The following SBF2 variants were observed in gnomAD, a reference collection of about 807,000 sequenced individuals.
The protein encoded by SBF2 is myotubularin-related protein 13.
Under a neutral mutation model 225.2 loss-of-function variants are expected in SBF2, and 112 were observed. The observed-to-expected ratio is 0.50, with a 90% CI of 0.43 to 0.58. The LOEUF is 0.58. SBF2 is among the 20% of genes least tolerant of loss of function. The pLI, the probability that SBF2 is intolerant of heterozygous loss-of-function variation, is 0.00. For synonymous variants in SBF2, 763 were observed against 773.3 expected (o/e 0.99, Z 0.22); for missense variants, 1,996 against 2,206.2 (o/e 0.90, Z 1.91).
chr11:10,213,739 A>G (rs577252155), intron 1 of SBF2, among the ~76,000 whole-genome samples: 144 of 152,318 alleles, frequency 9.5e-4, no homozygotes, highest in African/African-American at 2.9e-3. Context: ...ACTCAAAGGA[A>G]GAAGGGTTAC....
intron 1 of SBF2, among the ~76,000 whole-genome samples, chr11:10,239,049 T>C (rs1182208344): frequency 2.0e-5 from 3 of 150,872 alleles, no homozygotes; most frequent in African/African-American, 7.3e-5. Context: ...TATACATATA[T>C]ACACACATAT....
At chr11:10,134,724 C>G (rs1041776197) in intron 2 of SBF2, among the ~76,000 whole-genome samples, 1 of 152,170 alleles carries the variant, frequency 6.6e-6, no homozygotes, top group South Asian at 2.1e-4. Context: ...CACACGGATG[C>G]AAGAGGTAAG....
intron 17 of SBF2, among the ~76,000 whole-genome samples, chr11:9,867,256 CTACT>C (rs1397637210): frequency 1.3e-5 from 2 of 151,986 alleles, no homozygotes; most frequent in African/African-American, 4.8e-5. Flanking sequence ...ATATATACAC[CTACT>C]ATGTACCCAC....
intron 38 of SBF2, among the ~76,000 whole-genome samples, chr11:9,783,987 G>A (rs959214277): frequency 6.6e-6 from 1 of 152,214 alleles, no homozygotes; most frequent in Non-Finnish European, 1.5e-5. Context: ...AGGCTTATAT[G>A]TGCATGTGGT....
chr11:9,825,571 C>T (rs995850855), intron 28 of SBF2, among the ~76,000 whole-genome samples: 7 of 151,960 alleles, frequency 4.6e-5, no homozygotes, highest in Non-Finnish European at 7.4e-5. Flanking sequence ...AAAGTTCTGA[C>T]GAGGCAGGAA....
chr11:9,885,139 T>C (rs370820220), intron 17 of SBF2, among the ~76,000 whole-genome samples: 42 of 150,096 alleles, frequency 2.8e-4, no homozygotes, highest in South Asian at 1.3e-3. Context: ...TAATCCCAGC[T>C]ACTCAGGAAG....
chr11:9,787,136 C>T (rs978523276), intron 36 of SBF2, among the ~76,000 whole-genome samples: 7 of 152,106 alleles, frequency 4.6e-5, no homozygotes, highest in African/African-American at 1.2e-4. Flanking sequence ...CCTCGTGATC[C>T]GCCCACCTCG....
upstream of SBF2, among the ~76,000 whole-genome samples, chr11:10,295,624 A>G (rs1003026739): frequency 9.9e-5 from 15 of 152,040 alleles, no homozygotes; most frequent in Non-Finnish European, 1.8e-4. Flanking sequence ...CCGTGCAGCA[A>G]TCCTCTCTGT....
chr11:10,071,175 T>C (rs1950851653), intron 2 of SBF2, among the ~76,000 whole-genome samples: 2 of 152,094 alleles, frequency 1.3e-5, no homozygotes, highest in Middle Eastern at 3.4e-3. Context: ...CTGATTGCCC[T>C]GGCTGGAACC....
chr11:9,955,584 G>A (rs1375723339), intron 16 of SBF2, among the ~76,000 whole-genome samples: 1 of 152,036 alleles, frequency 6.6e-6, no homozygotes, highest in Non-Finnish European at 1.5e-5. Flanking sequence ...TGTATATCCA[G>A]TAAAAGTGAA....
intron 16 of SBF2, chr11:9,960,324 T>C (rs767719288): frequency 2.0e-5 from 3 of 152,228 alleles, no homozygotes; most frequent in Non-Finnish European, 4.4e-5. Flanking sequence ...AACAAATCTT[T>C]CCCTACCCCA....
chr11:10,162,571 C>A (rs1043388438), intron 2 of SBF2, among the ~76,000 whole-genome samples: 1 of 152,108 alleles, frequency 6.6e-6, no homozygotes, highest in Non-Finnish European at 1.5e-5. Context: ...CTTACAGATA[C>A]CCTTAAATGC....
intron 2 of SBF2, among the ~76,000 whole-genome samples, chr11:10,097,390 G>C (rs1041246781): frequency 2.6e-5 from 4 of 152,088 alleles, no homozygotes; most frequent in African/African-American, 9.7e-5. Flanking sequence ...CTGACACATT[G>C]ACACAATTTG....
intron 1 of SBF2, among the ~76,000 whole-genome samples, chr11:10,256,065 T>G (rs898807150): frequency 1.3e-5 from 2 of 152,190 alleles, no homozygotes; most frequent in Non-Finnish European, 2.9e-5. Context: ...ATATGCAGAC[T>G]CATTTGAGCT....
upstream of SBF2, among the ~76,000 whole-genome samples, chr11:10,296,364 A>C (rs1484402682): frequency 6.6e-6 from 1 of 152,224 alleles, no homozygotes; most frequent in South Asian, 2.1e-4. Context: ...TAATTGACTC[A>C]CAGTTCCACA....
Position 10,207,547 on chromosome 11 carries a change from C to A in SBF2, c.56-13560G>T, listed in dbSNP as rs117712528. 1.2e-3 allele frequency among the ~76,000 whole-genome samples: 184 copies of A among 152,204 alleles called. 6 individuals carry two copies. In the East Asian group the frequency reaches 0.027, roughly 22 times the overall value. On this transcript the variant is annotated intron_variant, in intron 1 of 39. Transcript: ENST00000256190. ...CAACAACCTTTAAGATTGCTTAAAA[C>A]TTCTCTGTCCTTGAAGCTTACTGCT... is the stretch of plus-strand genomic sequence containing the variant.
At chr11:9,840,742 A>G (rs1354840941) in intron 25 of SBF2, among the ~76,000 whole-genome samples, 1 of 152,180 alleles carries the variant, frequency 6.6e-6, no homozygotes, top group Non-Finnish European at 1.5e-5. Flanking sequence ...AAATAACTTT[A>G]TTTCCTCAGA....
intron 1 of SBF2, among the ~76,000 whole-genome samples, chr11:10,293,629 T>C (rs1434575311): frequency 6.6e-6 from 1 of 152,064 alleles, no homozygotes; most frequent in Non-Finnish European, 1.5e-5. Flanking sequence ...GGGCAGAAGT[T>C]TATCCCCGAG....
At chr11:9,825,516 T>C (rs1317134890) in intron 28 of SBF2, among the ~76,000 whole-genome samples, 1 of 152,144 alleles carries the variant, frequency 6.6e-6, no homozygotes, top group Admixed American at 6.5e-5. Context: ...ATTGGAAAGA[T>C]GACTCAAGGA....
Sources: gnomAD v4.1 joint callset for allele counts (sites outside exome capture counted in the v4.1 genomes callset) on GRCh38, gnomAD v4.1.1 for gene constraint, MANE v1.5 for transcripts, NCBI Gene and HGNC (gene_info 2026-07-23, HGNC 2026-07-21) for gene names.